Variants in SLMAP observed in about 807,000 individuals in gnomAD.
The protein encoded by SLMAP is sarcolemmal membrane-associated protein.
In SLMAP, 44 loss-of-function variants were observed where a neutral mutation model predicts 128.8. That is an observed-to-expected ratio of 0.34 (90% CI 0.27 to 0.44). SLMAP has a LOEUF of 0.44. Ranked by LOEUF, SLMAP falls within the 20% of genes least tolerant of loss-of-function variation. The pLI is 1.00. For missense variants in SLMAP, 787 were observed against 985.3 expected, an observed-to-expected ratio of 0.80 and a Z score of 2.69; for synonymous variants, 327 against 348.8, an observed-to-expected ratio of 0.94 and a Z score of 0.70.
chr3:57,779,740 C>G (rs997960503), intron 2 of SLMAP, among the ~76,000 whole-genome samples: 1 of 151,870 alleles, frequency 6.6e-6, no homozygotes, highest in Non-Finnish European at 1.5e-5. Flanking sequence ...GATGCAGGCA[C>G]TATTTTTATT....
At chr3:57,802,628 A>C (rs2088816226) in intron 2 of SLMAP, among the ~76,000 whole-genome samples, 1 of 152,120 alleles carries the variant, frequency 6.6e-6, no homozygotes, top group Non-Finnish European at 1.5e-5. Flanking sequence ...GTCATATAAT[A>C]TGTAGTCTTT....
chr3:57,899,958 A>T (rs775862514), intron 17 of SLMAP: 1 of 150,470 alleles, frequency 6.6e-6, no homozygotes, highest in East Asian at 2.0e-4. Flanking sequence ...GTGATGTATT[A>T]CTGGTACTTT....
intron 2 of SLMAP, among the ~76,000 whole-genome samples, chr3:57,787,036 G>A (rs1007249551): frequency 1.3e-5 from 2 of 152,004 alleles, no homozygotes; most frequent in South Asian, 2.1e-4. Flanking sequence ...GCACCCTGCC[G>A]AAAATTATGT....
chr3:57,829,695 T>G (rs1017869582), intron 2 of SLMAP, among the ~76,000 whole-genome samples: 5 of 152,256 alleles, frequency 3.3e-5, no homozygotes, highest in Non-Finnish European at 5.9e-5. Context: ...TGGTCTATTT[T>G]GAATTATAAA....
chr3:57,919,560 CGAGGT>C (rs1381325266), intron 22 of SLMAP, among the ~76,000 whole-genome samples: 2 of 151,888 alleles, frequency 1.3e-5, no homozygotes, highest in Non-Finnish European at 2.9e-5. Context: ...TTTGGGAGGC[CGAGGT>C]GAGCAGATCA....
At chr3:57,766,502 C>T (rs528193588) in intron 2 of SLMAP, among the ~76,000 whole-genome samples, 23 of 152,122 alleles carry the variant, frequency 1.5e-4, no homozygotes, top group Non-Finnish European at 2.4e-4. Flanking sequence ...GCGGCTGAAA[C>T]GTTCTAAGTT....
In SLMAP at chr3:57,907,184, C is replaced by T. The variant is rs146624483; in HGVS notation, c.1502-700C>T. ...CTGGGACTACTGGCACCTGCCACCA[C>T]GCCTGGCTAATTTTTTGTGTTTTTA... On this transcript the variant is annotated intron_variant, in intron 17 of 24. Transcript: ENST00000671191. Among the ~76,000 whole-genome samples, 170 of 152,314 alleles carry T rather than the reference C, an allele frequency of 1.1e-3. No homozygotes were observed. In the Middle Eastern group the frequency reaches 0.014, roughly 12 times the overall value.
intron 22 of SLMAP, among the ~76,000 whole-genome samples, chr3:57,919,194 A>G (rs2096868584): frequency 6.6e-6 from 1 of 152,146 alleles, no homozygotes; most frequent in African/African-American, 2.4e-5. Flanking sequence ...CAGCCTGACC[A>G]ATATGATGAA....
At chr3:57,906,317 T>TTTTTTTTTTTC (rs1559513032) in intron 17 of SLMAP, among the ~76,000 whole-genome samples, 5 of 121,744 alleles carry the variant, frequency 4.1e-5, no homozygotes, top group African/African-American at 1.6e-4. Flanking sequence ...TTTCTTTTTT[T>TTTTTTTTTTTC]TTTTTTTTTT....
At chr3:57,884,293 G>A (rs1046011593) in intron 14 of SLMAP, among the ~76,000 whole-genome samples, 1 of 152,110 alleles carries the variant, frequency 6.6e-6, no homozygotes, top group Non-Finnish European at 1.5e-5. Flanking sequence ...AAAGACTGAA[G>A]GTTTGCTCTC....
intron 2 of SLMAP, chr3:57,800,688 T>C (rs1422261156): frequency 6.5e-6 from 1 of 152,762 alleles, no homozygotes; most frequent in Admixed American, 6.5e-5. Context: ...AGAATATTCA[T>C]TCTGTCTATC....
chr3:57,867,279 C>T (rs1324593374), intron 13 of SLMAP, among the ~76,000 whole-genome samples: 1 of 152,160 alleles, frequency 6.6e-6, no homozygotes, highest in Admixed American at 6.5e-5. Flanking sequence ...GCTATTCATT[C>T]CTTCAGTTAA....
In SLMAP at chr3:57,772,883, G is replaced by A. The variant is rs929461360; in HGVS notation, c.198+15034G>A. Among the ~76,000 whole-genome samples, 8 of 152,042 alleles carry A rather than the reference G, an allele frequency of 5.3e-5. No homozygotes were observed. The East Asian group carries it at 5.8e-4, about 11-fold the overall frequency. On this transcript the variant is annotated intron_variant, in intron 2 of 24. Coordinates refer to ENST00000671191, the MANE Select transcript of SLMAP (RefSeq NM_001377540.1). ...TTGAACTCCGGACCTTAGGTGATCCGCCCGCCTCGGCCTCCCAAAGTGCTG... is the reference window on the plus strand; with the variant it reads ...TTGAACTCCGGACCTTAGGTGATCCACCCGCCTCGGCCTCCCAAAGTGCTG...
chr3:57,817,513 G>A (rs34990971), intron 2 of SLMAP, among the ~76,000 whole-genome samples: 2 of 152,186 alleles, frequency 1.3e-5, no homozygotes, highest in African/African-American at 2.4e-5. Context: ...TTCCTGCTCA[G>A]AAGGCATTTT....
intron 14 of SLMAP, among the ~76,000 whole-genome samples, chr3:57,883,068 G>A (rs1443978477): frequency 6.6e-6 from 1 of 152,106 alleles, no homozygotes; most frequent in Non-Finnish European, 1.5e-5. Context: ...TCCACAGTGA[G>A]TGCCTGGTGC....
rs2096943665 is a variant in SLMAP at position 57,923,027 on chromosome 3, A to AGT, written c.2445+5_2445+6dup. The stretch of plus-strand genomic sequence containing the variant: ...GCTCCGAGAGAAAGGAAATAATGTA[A>AGT]GTCTTTGCAAACTTGGCTTAGCTTT... On this transcript the variant is annotated splice_donor_region_variant and intron_variant, in intron 23 of 24. Transcript: ENST00000671191. 6.2e-7 allele frequency: 1 copy of AGT among 1,612,446 alleles called. No homozygotes were observed. The highest frequency in any genetic ancestry group is 1.1e-5 in the South Asian group (1 of 90,982).
At chr3:57,896,293 C>T (rs2096243035) in intron 15 of SLMAP, 1 of 1,261,770 alleles carries the variant, frequency 7.9e-7, no homozygotes, top group Non-Finnish European at 1.0e-6. Flanking sequence ...CTCAGCAAAG[C>T]AGACATGATC....
intron 2 of SLMAP, among the ~76,000 whole-genome samples, chr3:57,802,307 T>C (rs1229912444): frequency 1.3e-5 from 2 of 152,102 alleles, no homozygotes; most frequent in Non-Finnish European, 1.5e-5. Context: ...GATGGAGTTT[T>C]ACTTTTTCTG....
chr3:57,839,309 C>G (rs945634238), intron 3 of SLMAP, among the ~76,000 whole-genome samples: 1 of 151,894 alleles, frequency 6.6e-6, no homozygotes, highest in Non-Finnish European at 1.5e-5. Flanking sequence ...ATATTGAATA[C>G]ATGGTGTTAA....
Sources: allele counts gnomAD v4.1 joint callset (sites outside exome capture counted in the v4.1 genomes callset), GRCh38; gene constraint gnomAD v4.1.1; transcripts MANE v1.5; gene names NCBI Gene and HGNC (gene_info 2026-07-23, HGNC 2026-07-21).